The following ATF7IP variants were observed in gnomAD, a reference collection of about 807,000 sequenced individuals.
The protein encoded by ATF7IP is activating transcription factor 7-interacting protein 1.
Under a neutral mutation model 106.4 loss-of-function variants are expected in ATF7IP, and 23 were observed. The observed-to-expected ratio is 0.22, with a 90% CI of 0.16 to 0.31. ATF7IP has a LOEUF of 0.31. Among genes scored for constraint, ATF7IP ranks in the 10% least tolerant of loss-of-function variants. The probability of loss-of-function intolerance (pLI) is 1.00; values close to 1 mark genes in which losing one functional copy is unlikely to be tolerated. For synonymous variants in ATF7IP, 542 were observed against 539.0 expected, an observed-to-expected ratio of 1.01 and a Z score of -0.08; for missense variants, 1,334 against 1,524.3, an observed-to-expected ratio of 0.88 and a Z score of 2.08.
intron 5 of ATF7IP, among the ~76,000 whole-genome samples, chr12:14,439,849 A>G (rs949262018): frequency 8.2e-6 from 1 of 122,672 alleles, no homozygotes; most frequent in East Asian, 2.1e-4. Context: ...AAATCCATCC[A>G]TCCATCCATC....
intron 5 of ATF7IP, among the ~76,000 whole-genome samples, chr12:14,441,530 C>T (rs1942700316): frequency 1.6e-5 from 2 of 123,186 alleles, no homozygotes; most frequent in African/African-American, 3.1e-5. Context: ...CCTGCCAATT[C>T]CCAGGCTGGA....
rs1591925295 is a variant in ATF7IP at position 14,466,414 on chromosome 12, A to G, written c.2798-112A>G. Reference sequence around the variant, plus strand: ...ATTTGAGTTTTTATTTATGTATGTGACATGTTGACGGAAAAGTAGTTGGAG... The same window carrying G: ...ATTTGAGTTTTTATTTATGTATGTGGCATGTTGACGGAAAAGTAGTTGGAG... On this transcript the variant is annotated intron_variant, in intron 9 of 14. Coordinates refer to ENST00000261168, the MANE Select transcript of ATF7IP (RefSeq NM_018179.5). 9 of 792,782 alleles carry G rather than the reference A, an allele frequency of 1.1e-5. No homozygotes were observed. In the East Asian group the frequency reaches 2.3e-4, roughly 20 times the overall value. The allele number at this position is 792,782 out of a possible 1,614,324, so 49.1% of individuals were successfully genotyped here. A position where few individuals can be genotyped will look rare whatever the true frequency, so the allele number is the denominator to read the frequency against.
intron 1 of ATF7IP, among the ~76,000 whole-genome samples, chr12:14,393,369 A>G (rs548406651): frequency 6.6e-6 from 1 of 152,272 alleles, no homozygotes; most frequent in Non-Finnish European, 1.5e-5. Flanking sequence ...CTCTTTTGAT[A>G]TAAGATCTTT....
chr12:14,411,429 C>T (rs1410447731), intron 1 of ATF7IP, among the ~76,000 whole-genome samples: 2 of 151,952 alleles, frequency 1.3e-5, no homozygotes, highest in African/African-American at 2.4e-5. Flanking sequence ...GGAGAAAAAC[C>T]TAATGTAGGT....
At chr12:14,400,685 A>C (rs1055550453) in intron 1 of ATF7IP, among the ~76,000 whole-genome samples, 4 of 152,156 alleles carry the variant, frequency 2.6e-5, no homozygotes, top group African/African-American at 4.8e-5. Context: ...ATTGTTAGAT[A>C]GATACCTTAA....
chr12:14,405,403 C>CTTT (rs145211652), intron 1 of ATF7IP, among the ~76,000 whole-genome samples: 45 of 83,568 alleles, frequency 5.4e-4, no homozygotes, highest in East Asian at 3.1e-3. Flanking sequence ...TTTCTTTCAT[C>CTTT]TTTTTTTTTT....
Position 14,424,334 on chromosome 12 carries a change from A to T in ATF7IP, c.419A>T (p.Asp140Val). Residue 140 changes from aspartate to valine, a missense_variant, in exon 2 of 15, where the codon GAT becomes GTT. Asp to Val is a radical substitution (Grantham distance 152, BLOSUM62 -3). Transcript: ENST00000261168. ...GGTGATCCAGCCCCTGGTGATCTGG[A>T]TGCCGGAGATCCAGCCTCCGGAGTA... is the stretch of plus-strand genomic sequence containing the variant. ...VSGDPAPGDL[D>V]AGDPASGVLA... The T allele has an allele frequency of 6.2e-7, 1 of 1,614,106 alleles. No homozygotes were observed. The highest frequency in any genetic ancestry group is 1.3e-5 in the African/African-American group (1 of 75,018).
intron 8 of ATF7IP, among the ~76,000 whole-genome samples, chr12:14,459,389 A>G (rs4764090): frequency 0.41 from 61,909 of 152,056 alleles, 13,311 homozygotes; most frequent in East Asian, 0.6. Context: ...AAAGGTTGAG[A>G]TATAATAAAG....
At chr12:14,461,741 A>G (rs964617643) in intron 9 of ATF7IP, among the ~76,000 whole-genome samples, 6 of 152,282 alleles carry the variant, frequency 3.9e-5, no homozygotes, top group Non-Finnish European at 7.4e-5. Context: ...AAAATCTGCC[A>G]AACTCTGTGT....
Position 14,424,478 on chromosome 12 carries a change from A to T in ATF7IP, c.563A>T (p.Asp188Val), listed in dbSNP as rs751474951. The change falls in exon 2 of 15, where the codon GAT (aspartate) becomes GTT (valine). Residue 188 changes from aspartate to valine, a missense_variant. Around this residue, in one of 10 missense-constraint regions of ATF7IP, gnomAD observed 438 missense variants for 405.3 expected, o/e 1.08. Coordinates refer to ENST00000261168, the MANE Select transcript of ATF7IP (RefSeq NM_018179.5). ...CCTTCTGGTGATGTGTCCCCTGGTG[A>T]TGCCACCTCTGGTGATGCCACTGCT... Reference protein sequence around the residue: ...DAPSGDVSPGDATSGDATADD... With the variant: ...DAPSGDVSPGVATSGDATADD... The T allele has an allele frequency of 6.4e-5, 104 of 1,613,676 alleles. No individual in the cohort carries two copies. Among genetic ancestry groups the T allele is most frequent in the Middle Eastern group, 1.6e-4 (1 of 6,084 alleles).
In ATF7IP at chr12:14,458,055, C is replaced by T. The variant is rs191870293; in HGVS notation, c.2158+760C>T. Among the ~76,000 whole-genome samples, 13 of 151,710 alleles carry T rather than the reference C, an allele frequency of 8.6e-5. No individual in the cohort carries two copies. In the East Asian group the frequency reaches 2.5e-3, roughly 29 times the overall value. ...AGTTTGCGGTGAGCCGAGATCACGC[C>T]ACTGCACCCCAGCCTGGGCAACAGA... On this transcript the variant is annotated intron_variant, in intron 8 of 14. Coordinates refer to ENST00000261168, the MANE Select transcript of ATF7IP (RefSeq NM_018179.5).
rs766784248 is a variant in ATF7IP at position 14,424,577 on chromosome 12, C to G, written c.662C>G (p.Ser221Cys). 1 of 1,614,154 alleles carries G rather than the reference C, an allele frequency of 6.2e-7. No homozygotes were observed. The highest frequency in any genetic ancestry group is 1.3e-5 in the African/African-American group (1 of 75,036). ...GAACCGGTCCCTGTTGAACCCATTT[C>G]TGGTGATTGTGCCGCTGATGATATA... ...PGEPVPVEPI[S>C]GDCAADDIAS... is the part of the protein sequence containing the mutation. The change falls in exon 2 of 15, where the codon TCT (serine) becomes TGT (cysteine). Residue 221 changes from serine (S) to cysteine (C), a missense_variant. Physicochemically the swap from Ser to Cys is moderately radical, Grantham distance 112. This residue lies in a region of ATF7IP where 438 missense variants were observed against 405.3 expected (regional missense o/e 1.08). Transcript: ENST00000261168.
chr12:14,406,526 G>T (rs549077096), intron 1 of ATF7IP, among the ~76,000 whole-genome samples: 1 of 151,358 alleles, frequency 6.6e-6, no homozygotes, highest in Non-Finnish European at 1.5e-5. Context: ...ACTATTTTAA[G>T]ATATTTTAGA....
chr12:14,394,081 T>A (rs1939713438), intron 1 of ATF7IP, among the ~76,000 whole-genome samples: 1 of 152,220 alleles, frequency 6.6e-6, no homozygotes, highest in Admixed American at 6.5e-5. Context: ...TATTTAACCA[T>A]CATAATAGTG....
chr12:14,466,402 T>C (rs1943834237), intron 9 of ATF7IP, 124 bp from the exon 10 acceptor site: 2 of 733,806 alleles, frequency 2.7e-6, no homozygotes, highest in African/African-American at 3.6e-5. Context: ...TGAGTTTTTA[T>C]TTATGTATGT....
chr12:14,500,796 T>A lies in ATF7IP; in HGVS notation c.*2723T>A, dbSNP rs1050129461. On this transcript the variant is annotated 3_prime_UTR_variant, in exon 15 of 15. Coordinates refer to ENST00000261168, the MANE Select transcript of ATF7IP (RefSeq NM_018179.5). ...AAAGCCCAGTAGAATAAAAAAAAAA[T>A]TCATTAGCCTAGCCTATATTATGTT... 1 of 152,058 alleles carries A rather than the reference T, an allele frequency of 6.6e-6. No individual in the cohort carries two copies. The highest frequency in any genetic ancestry group is 6.6e-5 in the Admixed American group (1 of 15,248). 9.4% of individuals were successfully genotyped at this position (152,058 alleles called of 1,614,324 possible). A position where few individuals can be genotyped will look rare whatever the true frequency, so the allele number is the denominator to read the frequency against.
At chr12:14,378,407 G>C (rs1480155566) in intron 1 of ATF7IP, among the ~76,000 whole-genome samples, 1 of 152,062 alleles carries the variant, frequency 6.6e-6, no homozygotes, top group East Asian at 1.9e-4. Flanking sequence ...CCTATATTCA[G>C]TATTTTTCTA....
At chr12:14,395,525 A>C (rs917339790) in intron 1 of ATF7IP, among the ~76,000 whole-genome samples, 1 of 152,172 alleles carries the variant, frequency 6.6e-6, no homozygotes, top group Non-Finnish European at 1.5e-5. Context: ...CATGCATACA[A>C]TATGTTCATA....
intron 1 of ATF7IP, among the ~76,000 whole-genome samples, chr12:14,374,982 A>AT (rs1938675456): frequency 6.6e-6 from 1 of 151,888 alleles, no homozygotes. Context: ...ATATCTGACA[A>AT]TTTTTTAAGA....
Sources: gnomAD v4.1 joint callset for allele counts (sites outside exome capture counted in the v4.1 genomes callset) on GRCh38, gnomAD v4.1.1 for gene constraint, gnomAD v4.1.1 regional missense constraint, MANE v1.5 for transcripts, NCBI Gene and HGNC (gene_info 2026-07-23, HGNC 2026-07-21) for gene names.